ABR: variants seen among roughly 807,000 people sequenced by gnomAD.
ABR encodes active breakpoint cluster region-related protein.
In ABR, 35 loss-of-function variants were observed where a neutral mutation model predicts 107.2. The observed-to-expected ratio is 0.33, with a 90% CI of 0.25 to 0.43. ABR has a LOEUF of 0.43. Ranked by LOEUF, ABR falls within the 20% of genes least tolerant of loss-of-function variation. ABR has a pLI of 1.00. For missense variants in ABR, 815 were observed against 1,115.2 expected (o/e 0.73, Z 3.83); for synonymous variants, 498 against 462.0 (o/e 1.08, Z -1.00).
intron 6 of ABR, 95 bp downstream of exon 6, chr17:1,079,233 GCA>G: frequency 1.3e-6 from 2 of 1,523,846 alleles, no homozygotes; most frequent in African/African-American, 2.7e-5. Context: ...TCACACACAC[GCA>G]CACACAAGGG....
upstream of ABR, among the ~76,000 whole-genome samples, chr17:1,191,460 C>T (rs8067967): frequency 0.6 from 89,068 of 149,230 alleles, 28,694 homozygotes; most frequent in Middle Eastern, 0.76. Context: ...CGGGTTCAAG[C>T]GATTCTCCTG....
intron 1 of ABR, among the ~76,000 whole-genome samples, chr17:1,174,601 C>T (rs969286535): frequency 3.3e-5 from 5 of 152,190 alleles, no homozygotes; most frequent in African/African-American, 4.8e-5. Context: ...AGAATGAAAT[C>T]GCCCTTGGAA....
intron 10 of ABR, among the ~76,000 whole-genome samples, chr17:1,061,564 A>G (rs1309615688): frequency 6.7e-6 from 1 of 148,220 alleles, no homozygotes; most frequent in East Asian, 2.0e-4. Context: ...TTTTTTTGAG[A>G]TGGAGTCCCA....
At chr17:1,185,702 T>C (rs1450402534) in intron 1 of ABR, among the ~76,000 whole-genome samples, 1 of 142,084 alleles carries the variant, frequency 7.0e-6, no homozygotes, top group Non-Finnish European at 1.5e-5. Flanking sequence ...CCCAGGTGGA[T>C]CAAGAAGACG....
In ABR at chr17:1,006,235, C is replaced by T. The variant is rs906344119; in HGVS notation, c.2491-66G>A. On this transcript the variant is annotated intron_variant, in intron 22 of 22. Transcript: ENST00000302538. The stretch of plus-strand genomic sequence containing the variant: ...TAGGCCTCGTCCTTGCTGACTCCAG[C>T]CTGTGTTGCCCCTCCCACTCCCTAG... The T allele has an allele frequency of 1.2e-5, 17 of 1,380,312 alleles. 1 individual carries two copies. The highest frequency in any genetic ancestry group is 4.2e-4 in the Middle Eastern group (2 of 4,728). The allele number at this position is 1,380,312 out of a possible 1,614,324, so 85.5% of individuals were successfully genotyped here.
chr17:1,018,664 G>A (rs1463584561), intron 16 of ABR, among the ~76,000 whole-genome samples: 2 of 152,152 alleles, frequency 1.3e-5, no homozygotes, highest in East Asian at 1.9e-4. Context: ...TCAACCGTGC[G>A]CACTCGGGCA....
rs2040743481 is a variant in ABR, at chr17:1,150,410, T to A, written c.62-25043A>T. On this transcript the variant is annotated intron_variant, in intron 1 of 22. Transcript: ENST00000302538. The surrounding 1 kb of genome is among the most constrained non-coding windows in gnomAD (Gnocchi z 4.8). ...TGCGGTAGACACTGTCCTGTATGATTCCACTCTGAAGAGGTGCTCAGAGCA... is the reference window on the plus strand; with the variant it reads ...TGCGGTAGACACTGTCCTGTATGATACCACTCTGAAGAGGTGCTCAGAGCA... Among the ~76,000 whole-genome samples, 1 of 152,144 alleles carries A rather than the reference T, an allele frequency of 6.6e-6. No homozygotes were observed. The highest frequency in any genetic ancestry group is 2.1e-4 in the South Asian group (1 of 4,822).
intron 16 of ABR, among the ~76,000 whole-genome samples, chr17:1,023,647 T>C (rs964373278): frequency 5.3e-5 from 8 of 152,288 alleles, no homozygotes; most frequent in South Asian, 2.1e-4. Flanking sequence ...CCAGGAAGCT[T>C]CACGCTGGAG....
At chr17:1,026,304 G>C (rs980122572) in intron 16 of ABR, among the ~76,000 whole-genome samples, 4 of 152,222 alleles carry the variant, frequency 2.6e-5, no homozygotes, top group Non-Finnish European at 5.9e-5. Flanking sequence ...GGCACCTTGT[G>C]CCACATGAGC....
chr17:1,207,359 C>G (rs1406517310), intron 1 of ABR, among the ~76,000 whole-genome samples: 1 of 151,968 alleles, frequency 6.6e-6, no homozygotes, highest in African/African-American at 2.4e-5. Context: ...ATTTAAAATG[C>G]ATATATTTGG....
chr17:1,180,734 A>C (rs1178357622), upstream of ABR, among the ~76,000 whole-genome samples: 1 of 152,200 alleles, frequency 6.6e-6, no homozygotes, highest in Non-Finnish European at 1.5e-5. Context: ...GAGGCCTGAG[A>C]AATGACCGTT....
chr17:1,008,766 C>G (rs1453965404), intron 21 of ABR, among the ~76,000 whole-genome samples: 1 of 152,228 alleles, frequency 6.6e-6, no homozygotes, highest in Non-Finnish European at 1.5e-5. Context: ...TCTGAGGGGG[C>G]TCCCCGGTCC....
intron 1 of ABR, among the ~76,000 whole-genome samples, chr17:1,198,801 A>ATT (rs1486029842): frequency 3.6e-5 from 2 of 55,428 alleles, no homozygotes; most frequent in South Asian, 6.2e-4. Context: ...ACACCTGGCA[A>ATT]ATTTTTTTTT....
chr17:1,209,482 G>A (rs2042861711), intron 1 of ABR, among the ~76,000 whole-genome samples: 1 of 152,074 alleles, frequency 6.6e-6, no homozygotes, highest in South Asian at 2.1e-4. Flanking sequence ...TTGCCATGTT[G>A]GCCAGGCTGG....
chr17:1,170,593 T>C (rs989899424), intron 1 of ABR, among the ~76,000 whole-genome samples: 8 of 152,038 alleles, frequency 5.3e-5, no homozygotes, highest in Non-Finnish European at 7.4e-5. Flanking sequence ...CCTGCCACCA[T>C]GCCTGGCTAA....
At chr17:1,022,321 C>T (rs984009778) in intron 16 of ABR, among the ~76,000 whole-genome samples, 8 of 152,106 alleles carry the variant, frequency 5.3e-5, no homozygotes, top group African/African-American at 1.9e-4. Context: ...GCAGCCCGGG[C>T]TGGCTTTCCC....
chr17:1,149,540 C>A lies in ABR; in HGVS notation c.62-24173G>T, dbSNP rs1051776316. On this transcript the variant is annotated intron_variant, in intron 1 of 22. Coordinates refer to ENST00000302538, the MANE Select transcript of ABR (RefSeq NM_021962.5). ...TCAAGAGATTCTCCTGTCTCAGCCT[C>A]CCGAGTAGGTGGGATTACAGGCATG... Among the ~76,000 whole-genome samples, 6 of 151,930 alleles carry A rather than the reference C, an allele frequency of 3.9e-5. No individual in the cohort carries two copies. The East Asian group carries it at 1.2e-3, about 29-fold the overall frequency.
intron 1 of ABR, among the ~76,000 whole-genome samples, chr17:1,172,149 C>T (rs1278802332): frequency 6.6e-6 from 1 of 152,216 alleles, no homozygotes; most frequent in Non-Finnish European, 1.5e-5. Context: ...GGGCGAGAGG[C>T]CCCAGTCAGG....
chr17:1,039,806 C>T (rs1024082847), intron 16 of ABR, among the ~76,000 whole-genome samples: 6 of 152,176 alleles, frequency 3.9e-5, no homozygotes, highest in Non-Finnish European at 8.8e-5. Context: ...GGAGGCGGAA[C>T]TCCTAAGCCA....
Sources: allele counts gnomAD v4.1 joint callset (sites outside exome capture counted in the v4.1 genomes callset), GRCh38; gene constraint gnomAD v4.1.1; non-coding constraint Gnocchi (gnomAD v3.1); transcripts MANE v1.5; gene names NCBI Gene and HGNC (gene_info 2026-07-23, HGNC 2026-07-21).